KIAA1549L: variants seen among roughly 807,000 people sequenced by gnomAD.
KIAA1549L encodes KIAA1549 like, also known as UPF0606 protein KIAA1549L.
KIAA1549L carries 88 observed loss-of-function variants against 160.7 expected under a neutral mutation model. The observed-to-expected ratio is 0.55, with a 90% CI of 0.46 to 0.65. KIAA1549L has a LOEUF of 0.65. Ranked by LOEUF, KIAA1549L falls within the 30% of genes least tolerant of loss-of-function variation. The probability of loss-of-function intolerance (pLI) is 0.00; values close to 1 mark genes in which losing one functional copy is unlikely to be tolerated. For missense variants in KIAA1549L, 2,258 were observed against 2,437.5 expected (o/e 0.93, Z 1.55); for synonymous variants, 950 against 976.7 (o/e 0.97, Z 0.51).
chr11:33,444,885 C>G (rs1457270938), intron 1 of KIAA1549L, among the ~76,000 whole-genome samples: 1 of 152,128 alleles, frequency 6.6e-6, no homozygotes, highest in Non-Finnish European at 1.5e-5. Context: ...ACCACATATC[C>G]ACTGCTTTAT....
intron 1 of KIAA1549L, among the ~76,000 whole-genome samples, chr11:33,502,080 G>T (rs1590292708): frequency 6.6e-6 from 1 of 151,334 alleles, no homozygotes; most frequent in South Asian, 2.1e-4. Context: ...TTTCGAGGGA[G>T]TTCATGCAGA....
intron 16 of KIAA1549L, among the ~76,000 whole-genome samples, chr11:33,623,725 A>G (rs1851020942): frequency 6.6e-6 from 1 of 152,110 alleles, no homozygotes; most frequent in Non-Finnish European, 1.5e-5. Context: ...GCTTGTTGTC[A>G]GGTTTGAGAG....
chr11:33,406,105 A>G (rs1440623094), intron 1 of KIAA1549L, among the ~76,000 whole-genome samples: 1 of 152,210 alleles, frequency 6.6e-6, no homozygotes, highest in Non-Finnish European at 1.5e-5. Context: ...AAAAATGGCC[A>G]CTGTGATGAG....
At chr11:33,596,360 C>T (rs527493972) in intron 12 of KIAA1549L, among the ~76,000 whole-genome samples, 70 of 152,234 alleles carry the variant, frequency 4.6e-4, no homozygotes, top group African/African-American at 1.6e-3. Context: ...GAAATTTGCT[C>T]ATTAACACCT....
intron 16 of KIAA1549L, among the ~76,000 whole-genome samples, chr11:33,627,985 G>A (rs1340699462): frequency 5.2e-4 from 79 of 151,886 alleles, no homozygotes; most frequent in African/African-American, 1.7e-3. Context: ...GGTATGTTGT[G>A]TCTTTGTTCT....
intron 17 of KIAA1549L, among the ~76,000 whole-genome samples, chr11:33,651,262 C>T (rs1731012338): frequency 6.6e-6 from 1 of 152,050 alleles, no homozygotes; most frequent in Non-Finnish European, 1.5e-5. Flanking sequence ...CATGGTGAGA[C>T]CCCATCTCTA....
At chr11:33,659,575 G>C (rs1425313922) in intron 19 of KIAA1549L, among the ~76,000 whole-genome samples, 1 of 152,198 alleles carries the variant, frequency 6.6e-6, no homozygotes, top group Non-Finnish European at 1.5e-5. Flanking sequence ...TGACGTAATT[G>C]GTTTCTTAGT....
chr11:33,639,154 A>G (rs11032325), intron 16 of KIAA1549L, among the ~76,000 whole-genome samples: 38,000 of 152,146 alleles, frequency 0.25, 5,208 homozygotes, highest in Middle Eastern at 0.35. Context: ...TTTTTTAGGA[A>G]GAAGATACTT....
chr11:33,634,958 T>C (rs1851399300), intron 16 of KIAA1549L, among the ~76,000 whole-genome samples: 1 of 152,168 alleles, frequency 6.6e-6, no homozygotes, highest in Non-Finnish European at 1.5e-5. Context: ...TTTTTTTAAT[T>C]CCATTTGCAC....
At chr11:33,403,263 A>ATG (rs1850545896) in intron 1 of KIAA1549L, 22 of 143,362 alleles carry the variant, frequency 1.5e-4, no homozygotes, top group African/African-American at 2.1e-4. Flanking sequence ...ACACACAGAC[A>ATG]CAGACACACA....
At chr11:33,534,521 G>T (rs1853849560) in intron 1 of KIAA1549L, among the ~76,000 whole-genome samples, 1 of 152,060 alleles carries the variant, frequency 6.6e-6, no homozygotes. Flanking sequence ...GTCAGTGGAA[G>T]TTTATTGATA....
intron 20 of KIAA1549L, among the ~76,000 whole-genome samples, chr11:33,666,284 C>G (rs1360503062): frequency 6.6e-6 from 1 of 152,200 alleles, no homozygotes; most frequent in Non-Finnish European, 1.5e-5. Context: ...CCCACTGGCT[C>G]TATGGAGTGT....
At chr11:33,378,554 T>C (rs761605992) in intron 1 of KIAA1549L, among the ~76,000 whole-genome samples, 9 of 152,166 alleles carry the variant, frequency 5.9e-5, no homozygotes, top group Non-Finnish European at 1.3e-4. Flanking sequence ...ATGCTTTGAT[T>C]ACAATGATGG....
rs1325152861 is a variant in KIAA1549L at position 33,530,428 on chromosome 11, AAAAAAAAAATATATATATATATAT to A, written c.239-11372_239-11349del. Among the ~76,000 whole-genome samples the A allele has an allele frequency of 2.9e-3, 59 of 20,556 alleles. 1 individual carries two copies. The highest frequency in any genetic ancestry group is 5.0e-3 in the African/African-American group (36 of 7,264). 13.5% of individuals were successfully genotyped at this position (20,556 alleles called of 152,430 possible). A position where few individuals can be genotyped will look rare whatever the true frequency, so the allele number is the denominator to read the frequency against. On this transcript the variant is annotated intron_variant, in intron 1 of 20. Coordinates refer to ENST00000658780, the MANE Select transcript of KIAA1549L (RefSeq NM_012194.3). ...AGAAGAAGAAGGAAAAAAAAAAAAA[AAAAAAAAAATATATATATATATAT>A]ATATATATATATATATATATATATA... is the stretch of plus-strand genomic sequence containing the variant.
rs1318171211 is a variant in KIAA1549L at position 33,552,163 on chromosome 11, A to G, written c.3777A>G (p.Thr1259=). 2.5e-6 allele frequency: 4 copies of G among 1,612,950 alleles called. No individual in the cohort carries two copies. Among genetic ancestry groups the G allele is most frequent in the Admixed American group, 1.7e-5 (1 of 59,872 alleles). The part of the protein sequence containing the change: ...DNIQSCKFAQ[T]MEQRLQKAFQ... ...TACAGTCCTGCAAGTTTGCTCAGAC[A>G]ATGGAACAGAGGCTGCAGAAGGCAT... The change falls in exon 6 of 21, where the codon ACA becomes ACG. Residue 1259 remains threonine (T), a synonymous_variant. Coordinates refer to ENST00000658780, the MANE Select transcript of KIAA1549L (RefSeq NM_012194.3).
At chr11:33,422,418 TC>T (rs1427352380) in intron 1 of KIAA1549L, among the ~76,000 whole-genome samples, 1 of 151,890 alleles carries the variant, frequency 6.6e-6, no homozygotes, top group African/African-American at 2.4e-5. Context: ...TCACACTTAC[TC>T]CCCTGCTAGA....
intron 1 of KIAA1549L, among the ~76,000 whole-genome samples, chr11:33,520,081 G>A (rs1310764317): frequency 6.6e-6 from 1 of 151,830 alleles, no homozygotes; most frequent in Non-Finnish European, 1.5e-5. Flanking sequence ...TCCATGCCCT[G>A]AACTTATCCA....
chr11:33,466,327 C>A (rs1371189513), intron 1 of KIAA1549L, among the ~76,000 whole-genome samples: 1 of 152,070 alleles, frequency 6.6e-6, no homozygotes, highest in Admixed American at 6.5e-5. Context: ...AGACACTTCT[C>A]AAAAAAAGAC....
At chr11:33,475,905 C>G (rs1399523610) in intron 1 of KIAA1549L, among the ~76,000 whole-genome samples, 3 of 152,040 alleles carry the variant, frequency 2.0e-5, no homozygotes, top group Non-Finnish European at 4.4e-5. Context: ...TCCCGCCTGC[C>G]CCCCACCCAA....
Sources: gnomAD v4.1 joint callset for allele counts (sites outside exome capture counted in the v4.1 genomes callset) on GRCh38, gnomAD v4.1.1 for gene constraint, MANE v1.5 for transcripts, NCBI Gene and HGNC (gene_info 2026-07-23, HGNC 2026-07-21) for gene names.